Variants in GDE1 observed in about 807,000 individuals in gnomAD.
GDE1 encodes the protein RGS16-interacting membrane protein.
In GDE1, 24 loss-of-function variants were observed where a neutral mutation model predicts 32.2. The ratio of observed to expected loss-of-function variants is 0.75; its 90% CI spans 0.54 to 1.05. The LOEUF is 1.05. Ranked by LOEUF, GDE1 falls within the 50% of genes least tolerant of loss-of-function variation. GDE1 has a pLI of 0.00. For synonymous variants in GDE1, 159 were observed against 158.6 expected, an observed-to-expected ratio of 1.00 and a Z score of -0.02; for missense variants, 380 against 415.0, an observed-to-expected ratio of 0.92 and a Z score of 0.73.
At chr16:19,503,693 G>GCAGTGAACACCATACTTA in intron 5 of GDE1, 76 bp from the exon 6 acceptor site, 1 of 1,196,290 alleles carries the variant, frequency 8.4e-7, no homozygotes, top group Non-Finnish European at 1.2e-6. Context: ...CACTAAGTAT[G>GCAGTGAACACCATACTTA]GTGTTCACTG....
At chr16:19,509,759 C>G (rs1011124082) in intron 3 of GDE1, among the ~76,000 whole-genome samples, 2 of 151,022 alleles carry the variant, frequency 1.3e-5, no homozygotes, top group African/African-American at 4.9e-5. Context: ...CTCCCCGGTT[C>G]AAGCGATTCT....
chr16:19,513,353 A>ATTT (rs35956673), intron 2 of GDE1, among the ~76,000 whole-genome samples: 11 of 146,984 alleles, frequency 7.5e-5, no homozygotes, highest in Admixed American at 7.4e-4. Context: ...GTATTTTGTT[A>ATTT]TTTTTTTTTT....
At chr16:19,507,378 TGTTC>T (rs1377549389) in intron 4 of GDE1, among the ~76,000 whole-genome samples, 1 of 152,168 alleles carries the variant, frequency 6.6e-6, no homozygotes, top group African/African-American at 2.4e-5. Flanking sequence ...TATGAAGGTA[TGTTC>T]TGCTGTTAGT....
intron 2 of GDE1, among the ~76,000 whole-genome samples, chr16:19,511,800 T>C (rs1043406895): frequency 6.6e-6 from 1 of 152,122 alleles, no homozygotes; most frequent in East Asian, 1.9e-4. Flanking sequence ...CATATATGAG[T>C]GACAACATGT....
intron 1 of GDE1, among the ~76,000 whole-genome samples, chr16:19,520,112 T>C (rs1425779310): frequency 6.6e-6 from 1 of 151,994 alleles, no homozygotes; most frequent in Non-Finnish European, 1.5e-5. Flanking sequence ...ATAAATGAGA[T>C]ATAGAAGGAA....
Position 19,503,574 on chromosome 16 carries a change from C to A in GDE1, c.892G>T (p.Gly298Cys), listed in dbSNP as rs1015823687. The part of the protein sequence containing the change: ...KWSAKGIQVV[G>C]WTVNTFDEKS... ...TCATCAAAGGTATTAACAGTCCAAC[C>A]AACAACCTGGATTCCTTTAGCTGAC... The change falls in exon 6 of 6, where the codon GGT becomes TGT. Residue 298 changes from glycine to cysteine, a missense_variant. Physicochemically the swap from Gly to Cys is radical, Grantham distance 159. Coordinates refer to ENST00000353258, the MANE Select transcript of GDE1 (RefSeq NM_016641.4). The A allele has an allele frequency of 9.9e-6, 16 of 1,613,686 alleles. No individual in the cohort carries two copies. The highest frequency in any genetic ancestry group is 1.3e-5 in the Non-Finnish European group (15 of 1,179,586).
At chr16:19,511,101 A>T (rs972386168) in intron 2 of GDE1, among the ~76,000 whole-genome samples, 157 bp from the exon 3 acceptor site, 17 of 151,858 alleles carry the variant, frequency 1.1e-4, no homozygotes, top group African/African-American at 4.1e-4. Context: ...CTTTACTTTA[A>T]GATTTTTTTT....
In GDE1 at chr16:19,517,097, C is replaced by T; in HGVS notation, c.354G>A (p.Arg118=). 6.2e-7 allele frequency: 1 copy of T among 1,614,052 alleles called. No individual in the cohort carries two copies. ...PVLMHDNTVD[R]TTDGTGRLCD... The stretch of plus-strand genomic sequence containing the variant: ...ACAATCGCCCAGTCCCATCAGTCGT[C>T]CTATCTACTGTGTTATCGTGCATTA... The change falls in exon 2 of 6, where the codon AGG becomes AGA. Residue 118 remains arginine, a synonymous_variant. Coordinates refer to ENST00000353258, the MANE Select transcript of GDE1 (RefSeq NM_016641.4).
At chr16:19,503,870 C>T (rs1320662960) in intron 5 of GDE1, 2 of 385,728 alleles carry the variant, frequency 5.2e-6, no homozygotes, top group Admixed American at 4.0e-5. Flanking sequence ...GGCACAGCCA[C>T]TGAAGGTGTG....
At chr16:19,515,865 C>T (rs1336660562) in intron 2 of GDE1, among the ~76,000 whole-genome samples, 1 of 152,062 alleles carries the variant, frequency 6.6e-6, no homozygotes, top group East Asian at 1.9e-4. Flanking sequence ...CCAGTGAGCA[C>T]ACCCTTTTCA....
At chr16:19,518,060 G>A (rs866526707) in intron 1 of GDE1, among the ~76,000 whole-genome samples, 6 of 151,822 alleles carry the variant, frequency 4.0e-5, no homozygotes, top group South Asian at 2.1e-4. Context: ...GCTAATTTTT[G>A]TATTTTTTGT....
Position 19,504,896 on chromosome 16 carries a change from T to A in GDE1, c.833A>T (p.Lys278Met). 6.2e-7 allele frequency: 1 copy of A among 1,610,618 alleles called. No homozygotes were observed. The change falls in exon 5 of 6, where the codon AAG becomes ATG. Residue 278 changes from lysine to methionine, a missense_variant. By Grantham distance (95) the Lys-to-Met change is moderately conservative. Transcript: ENST00000353258. ...TCCAACTTACGGGGATACAAAATCC[T>A]TTTGCATGAGGAAAGCTGAAATTCC... ...LCGISAFLMQ[K>M]DFVSPAYLKK...
At chr16:19,520,284 C>T (rs560750547) in intron 1 of GDE1, among the ~76,000 whole-genome samples, 259 of 151,830 alleles carry the variant, frequency 1.7e-3, no homozygotes, top group African/African-American at 5.4e-3. Flanking sequence ...TGCCTGTAAT[C>T]GCAGCTACTC....
At position 19,503,288 on chromosome 16, in the gene GDE1, G is replaced by A; in HGVS notation, c.*182C>T. 1.7e-6 allele frequency: 1 copy of A among 594,636 alleles called. No individual in the cohort carries two copies. Among genetic ancestry groups the A allele is most frequent in the Non-Finnish European group, 3.0e-6 (1 of 338,010 alleles). The allele number at this position is 594,636 out of a possible 1,614,324, so 36.8% of individuals were successfully genotyped here. A position where few individuals can be genotyped will look rare whatever the true frequency, so the allele number is the denominator to read the frequency against. The stretch of plus-strand genomic sequence containing the variant: ...GAGCAACAGTGTTGAACTCTGGCAT[G>A]CCATGGTGCATGGTGGCAACACCGG... On this transcript the variant is annotated 3_prime_UTR_variant, in exon 6 of 6. Transcript: ENST00000353258.
chr16:19,508,512 A>C (rs1009323852), intron 3 of GDE1, among the ~76,000 whole-genome samples: 1 of 152,224 alleles, frequency 6.6e-6, no homozygotes, highest in Non-Finnish European at 1.5e-5. Flanking sequence ...GGAATGTTAC[A>C]CATACCCCTA....
At chr16:19,513,081 C>A (rs1031281727) in intron 2 of GDE1, among the ~76,000 whole-genome samples, 1 of 151,900 alleles carries the variant, frequency 6.6e-6, no homozygotes, top group Non-Finnish European at 1.5e-5. Context: ...ATTGCTTTAG[C>A]TATTTGGGCT....
At chr16:19,519,344 A>G (rs1286617295) in intron 1 of GDE1, among the ~76,000 whole-genome samples, 1 of 151,864 alleles carries the variant, frequency 6.6e-6, no homozygotes, top group Non-Finnish European at 1.5e-5. Context: ...CTGTTTCCCA[A>G]GGCCTGCTCC....
intron 4 of GDE1, among the ~76,000 whole-genome samples, chr16:19,506,276 A>G (rs565606038): frequency 3.3e-5 from 5 of 151,060 alleles, no homozygotes; most frequent in African/African-American, 1.2e-4. Flanking sequence ...CGGTTTCTTC[A>G]GTAAATACAA....
rs561133897 is a variant in GDE1, at chr16:19,503,612, T to A, written c.854A>T (p.Tyr285Phe). ...LMQKDFVSPA[Y>F]LKKWSAKGIQ... The stretch of plus-strand genomic sequence containing the variant: ...TCCTTTAGCTGACCACTTCTTCAAG[T>A]AGGCCCTGGGGAAAGAGGAAAGCCA... The change falls in exon 6 of 6, where the codon TAC becomes TTC. Residue 285 changes from tyrosine (Y) to phenylalanine (F), a missense_variant. Tyr to Phe is a conservative substitution (Grantham distance 22). Transcript: ENST00000353258. 1.2e-6 allele frequency: 2 copies of A among 1,613,382 alleles called. No homozygotes were observed. Among genetic ancestry groups the A allele is most frequent in the South Asian group, 2.2e-5 (2 of 91,048 alleles).
Sources: gnomAD v4.1 joint callset for allele counts (sites outside exome capture counted in the v4.1 genomes callset) on GRCh38, gnomAD v4.1.1 for gene constraint, MANE v1.5 for transcripts, NCBI Gene and HGNC (gene_info 2026-07-23, HGNC 2026-07-21) for gene names.